The following DLG1 variants were observed in gnomAD, a reference collection of about 807,000 sequenced individuals.
The protein encoded by DLG1 is disks large homolog 1.
DLG1 carries 42 observed loss-of-function variants against 123.4 expected under a neutral mutation model. The ratio of observed to expected loss-of-function variants is 0.34; its 90% CI spans 0.27 to 0.44. DLG1 has a LOEUF of 0.44. Among genes scored for constraint, DLG1 ranks in the 20% least tolerant of loss-of-function variants. The pLI, the probability that DLG1 is intolerant of heterozygous loss-of-function variation, is 1.00. For synonymous variants in DLG1, 317 were observed against 356.2 expected, an observed-to-expected ratio of 0.89 and a Z score of 1.24; for missense variants, 942 against 1,082.6, an observed-to-expected ratio of 0.87 and a Z score of 1.82.
intron 2 of DLG1, chr3:197,296,960 G>C (rs577172568): frequency 3.8e-5 from 21 of 553,164 alleles, no homozygotes; most frequent in African/African-American, 3.1e-4. Context: ...TGTTGGGGGG[G>C]GGCTAACTGC....
chr3:197,121,607 C>T (rs1011222362), intron 11 of DLG1, among the ~76,000 whole-genome samples: 5 of 151,804 alleles, frequency 3.3e-5, no homozygotes, highest in Non-Finnish European at 7.4e-5. Context: ...TCCTGAGTAT[C>T]ATATTTTGAC....
chr3:197,234,042 A>G (rs766520452), intron 4 of DLG1, among the ~76,000 whole-genome samples: 30 of 152,210 alleles, frequency 2.0e-4, no homozygotes, highest in Non-Finnish European at 3.7e-4. Flanking sequence ...GATGAACACA[A>G]AGAGGCTGTG....
At chr3:197,244,488 T>C (rs571847379) in intron 4 of DLG1, among the ~76,000 whole-genome samples, 40 of 152,224 alleles carry the variant, frequency 2.6e-4, no homozygotes, top group African/African-American at 9.1e-4. Context: ...TTGTTTTAGA[T>C]CTTTTACCTC....
chr3:197,048,853 C>T (rs757019818), intron 24 of DLG1, among the ~76,000 whole-genome samples: 8 of 152,030 alleles, frequency 5.3e-5, no homozygotes, highest in Non-Finnish European at 7.4e-5. Context: ...AAAGGGGTTT[C>T]GCCATGTTGG....
intron 4 of DLG1, among the ~76,000 whole-genome samples, chr3:197,242,618 T>C (rs757545196): frequency 6.6e-6 from 1 of 151,116 alleles, no homozygotes; most frequent in African/African-American, 2.4e-5. Context: ...TAAAAATACA[T>C]ATCAATAAAA....
intron 4 of DLG1, among the ~76,000 whole-genome samples, chr3:197,278,729 C>A (rs551700993): frequency 4.0e-5 from 6 of 150,556 alleles, no homozygotes; most frequent in Non-Finnish European, 8.9e-5. Flanking sequence ...AGAATTAGAT[C>A]AGTGAACTTA....
At chr3:197,259,408 T>C (rs931924984) in intron 4 of DLG1, among the ~76,000 whole-genome samples, 5 of 152,198 alleles carry the variant, frequency 3.3e-5, no homozygotes, top group Admixed American at 2.0e-4. Flanking sequence ...TTTCCTCTTA[T>C]GAAAAATAAT....
At chr3:197,290,004 G>A (rs1774034268) in intron 3 of DLG1, among the ~76,000 whole-genome samples, 1 of 152,124 alleles carries the variant, frequency 6.6e-6, no homozygotes, top group South Asian at 2.1e-4. Context: ...GGCAGGAGAG[G>A]TACAAGATAA....
In DLG1 at chr3:197,297,187, T is replaced by C. The variant is rs775902724; in HGVS notation, c.18A>G (p.Gln6=). The part of the protein sequence containing the change: MPVRK[Q]DTQRALHLLE... ...CAGAGTTACGGAATAAACTCTCACC[T>C]TGCTTCCGGACCGGCATTTTTCTCC... The change falls in exon 2 of 25, where the codon CAA becomes CAG. Residue 6 remains glutamine, a splice_region_variant and synonymous_variant. Transcript: ENST00000667157. The C allele has an allele frequency of 6.8e-6, 11 of 1,613,984 alleles. No individual in the cohort carries two copies. In the African/African-American group the frequency reaches 8.0e-5, roughly 12 times the overall value.
At chr3:197,191,641 T>A (rs1248891050) in intron 5 of DLG1, among the ~76,000 whole-genome samples, 1 of 152,080 alleles carries the variant, frequency 6.6e-6, no homozygotes, top group African/African-American at 2.4e-5. Flanking sequence ...ATAAATTAGA[T>A]TAACTCAATC....
At chr3:197,138,166 GTATAT>G in intron 9 of DLG1, 51 bp downstream of exon 9, 1 of 1,092,046 alleles carries the variant, frequency 9.2e-7, no homozygotes. Flanking sequence ...AAGTTCATAG[GTATAT>G]TTAACTCAGA....
chr3:197,289,332 A>G (rs1017290698), intron 3 of DLG1, among the ~76,000 whole-genome samples: 3 of 114,310 alleles, frequency 2.6e-5, no homozygotes, highest in African/African-American at 1.0e-4. Context: ...TGGCGTGTAT[A>G]CACGCGCATA....
chr3:197,201,864 C>A (rs757408560), intron 4 of DLG1, among the ~76,000 whole-genome samples: 9 of 152,024 alleles, frequency 5.9e-5, no homozygotes, highest in Non-Finnish European at 1.2e-4. Flanking sequence ...AATAGCTTAG[C>A]CAAAGCACTT....
rs530841723 is a variant in DLG1, at chr3:197,174,485, A to C, written c.483+19940T>G. Among the ~76,000 whole-genome samples, 150 of 152,320 alleles carry C rather than the reference A, an allele frequency of 9.8e-4. 2 individuals carry two copies. Among genetic ancestry groups the C allele is most frequent in the African/African-American group, 3.2e-3 (135 of 41,580 alleles). On this transcript the variant is annotated intron_variant, in intron 5 of 24. Transcript: ENST00000667157. ...AAAATTTTGCCTCTATACTGAATAT[A>C]GCCTTCCAGTTTGGAAAAAAAGTGA... is the stretch of plus-strand genomic sequence containing the variant.
At chr3:197,086,072 T>C (rs1754171411) in intron 15 of DLG1, among the ~76,000 whole-genome samples, 1 of 152,088 alleles carries the variant, frequency 6.6e-6, no homozygotes, top group Admixed American at 6.6e-5. Flanking sequence ...TTGAAATTAA[T>C]AAACAAAAAG....
At chr3:197,265,186 A>G (rs1022602279) in intron 4 of DLG1, among the ~76,000 whole-genome samples, 6 of 152,248 alleles carry the variant, frequency 3.9e-5, no homozygotes, top group African/African-American at 1.4e-4. Context: ...TCACCCTGTA[A>G]TATGAGCTAC....
chr3:197,268,581 C>G (rs1762646826), intron 4 of DLG1, among the ~76,000 whole-genome samples: 1 of 151,856 alleles, frequency 6.6e-6, no homozygotes, highest in Non-Finnish European at 1.5e-5. Context: ...GCACCAACCA[C>G]GCCTAATTTT....
At chr3:197,105,687 C>G (rs1483325449) in intron 13 of DLG1, among the ~76,000 whole-genome samples, 1 of 152,076 alleles carries the variant, frequency 6.6e-6, no homozygotes, top group Non-Finnish European at 1.5e-5. Context: ...TCAAAGGTTA[C>G]CAATACTTTG....
chr3:197,045,430 A>ACTT (rs1722252536), intron 24 of DLG1, among the ~76,000 whole-genome samples: 1 of 152,190 alleles, frequency 6.6e-6, no homozygotes, highest in South Asian at 2.1e-4. Flanking sequence ...TGAGTAACTA[A>ACTT]CTTTTTAAGA....
Sources: gnomAD v4.1 joint callset for allele counts (sites outside exome capture counted in the v4.1 genomes callset) on GRCh38, gnomAD v4.1.1 for gene constraint, MANE v1.5 for transcripts, NCBI Gene and HGNC (gene_info 2026-07-23, HGNC 2026-07-21) for gene names.